PKP4: variants seen among roughly 807,000 people sequenced by gnomAD.
PKP4 encodes plakophilin-4.
In PKP4, 90 loss-of-function variants were observed where a neutral mutation model predicts 145.1. The ratio of observed to expected loss-of-function variants is 0.62; its 90% CI spans 0.52 to 0.74. PKP4 has a LOEUF of 0.74. PKP4 is among the 30% of genes least tolerant of loss of function. PKP4 has a pLI of 0.00. For synonymous variants in PKP4, 563 were observed against 577.2 expected, an observed-to-expected ratio of 0.98 and a Z score of 0.35; for missense variants, 1,340 against 1,482.7, an observed-to-expected ratio of 0.90 and a Z score of 1.58.
chr2:158,507,262 G>C (rs1125662), intron 1 of PKP4, among the ~76,000 whole-genome samples: 133,160 of 152,194 alleles, frequency 0.87, 58,546 homozygotes, highest in Middle Eastern at 0.93. Context: ...AATTGTTTCT[G>C]GGTGTTTTTC....
At position 158,658,181 on chromosome 2, in the gene PKP4, C is replaced by T; in HGVS notation, c.1960C>T (p.Arg654Ter). The change falls in exon 12 of 22, where the codon CGA (arginine) becomes TGA (stop). Residue 654 changes from arginine to a stop codon, truncating the protein, a stop_gained. Coordinates refer to ENST00000389759, the MANE Select transcript of PKP4 (RefSeq NM_003628.6). LOFTEE classifies it high-confidence loss of function. Reference protein sequence around the residue: ...SCDAVKMTIIRDALSTLTNTV... With the variant: ...SCDAVKMTII ...TGATGCTGTAAAAATGACAATCATT[C>T]GAGATGCTCTCTCAACCTTAACAAA... 4 of 1,605,908 alleles carry T rather than the reference C, an allele frequency of 2.5e-6. No homozygotes were observed. The highest frequency in any genetic ancestry group is 3.4e-6 in the Non-Finnish European group (4 of 1,173,452).
chr2:158,519,985 G>GA lies in PKP4; in HGVS notation c.-5-13185dup, dbSNP rs887385967. Among the ~76,000 whole-genome samples the GA allele has an allele frequency of 2.8e-3, 411 of 147,562 alleles. 2 individuals are homozygous for GA. The highest frequency in any genetic ancestry group is 4.6e-3 in the Non-Finnish European group (305 of 66,772). ...ATAAAGGATCCTGAATCCTCAGAAAGAAAAAAAAAATGAACCCGTAGTACT... is the reference window on the plus strand; with the variant it reads ...ATAAAGGATCCTGAATCCTCAGAAAGAAAAAAAAAAATGAACCCGTAGTACT... On this transcript the variant is annotated intron_variant, in intron 1 of 21. Coordinates refer to ENST00000389759, the MANE Select transcript of PKP4 (RefSeq NM_003628.6).
chr2:158,624,938 CCTT>C lies in PKP4; in HGVS notation c.668_670del (p.Ser223del), dbSNP rs752951423. On this transcript the variant is annotated inframe_deletion, in exon 7 of 22. Transcript: ENST00000389759. The stretch of plus-strand genomic sequence containing the variant: ...TTCAGTTCCATCTAGAGCACAGTCT[CCTT>C]CTTATGTTATCAGCACAGGCGTGTC... The C allele has an allele frequency of 6.8e-6, 11 of 1,613,836 alleles. No homozygotes were observed. Among genetic ancestry groups the C allele is most frequent in the African/African-American group, 4.0e-5 (3 of 74,910 alleles).
chr2:158,646,421 A>G (rs1431585214), intron 11 of PKP4, among the ~76,000 whole-genome samples: 1 of 152,214 alleles, frequency 6.6e-6, no homozygotes, highest in Non-Finnish European at 1.5e-5. Flanking sequence ...GCTGTGTTTG[A>G]TTTATACCTA....
At chr2:158,514,285 G>A (rs756199236) in intron 1 of PKP4, among the ~76,000 whole-genome samples, 15 of 152,296 alleles carry the variant, frequency 9.8e-5, no homozygotes, top group Admixed American at 1.3e-4. Context: ...AACCAAGAGC[G>A]TATGGTTAGA....
chr2:158,590,142 T>C (rs2049130224), intron 3 of PKP4, among the ~76,000 whole-genome samples: 1 of 152,106 alleles, frequency 6.6e-6, no homozygotes, highest in Non-Finnish European at 1.5e-5. Flanking sequence ...GTTGTGTTAC[T>C]CCACAATTAA....
chr2:158,635,131 A>G (rs1378750558), intron 9 of PKP4, among the ~76,000 whole-genome samples: 1 of 152,214 alleles, frequency 6.6e-6, no homozygotes, highest in Non-Finnish European at 1.5e-5. Context: ...GAAAATTGTT[A>G]TAATTATCAA....
intron 2 of PKP4, among the ~76,000 whole-genome samples, chr2:158,538,519 C>T (rs2044249844): frequency 6.8e-6 from 1 of 147,588 alleles, no homozygotes; most frequent in South Asian, 2.1e-4. Flanking sequence ...TCATACTTTT[C>T]AGGCTCTCTA....
intron 1 of PKP4, among the ~76,000 whole-genome samples, chr2:158,509,649 A>C (rs1243645217): frequency 6.6e-6 from 1 of 152,200 alleles, no homozygotes; most frequent in Non-Finnish European, 1.5e-5. Context: ...AGGTGATGAT[A>C]TAGAAATACT....
intron 11 of PKP4, among the ~76,000 whole-genome samples, chr2:158,656,671 G>T (rs1348052572): frequency 6.6e-6 from 1 of 152,172 alleles, no homozygotes; most frequent in Admixed American, 6.5e-5. Flanking sequence ...ACAAGAGGAG[G>T]CCAGAGCACA....
intron 3 of PKP4, among the ~76,000 whole-genome samples, chr2:158,601,055 C>T (rs192268502): frequency 6.6e-6 from 1 of 152,234 alleles, no homozygotes; most frequent in East Asian, 1.9e-4. Context: ...TATAATCTGA[C>T]CTTTCAAAAC....
Position 158,625,378 on chromosome 2 carries a change from G to A in PKP4, c.1104G>A (p.Gln368=). The A allele has an allele frequency of 1.2e-6, 2 of 1,614,174 alleles. No individual in the cohort carries two copies. Among genetic ancestry groups the A allele is most frequent in the South Asian group, 1.1e-5 (1 of 91,090 alleles). Residue 368 remains glutamine, a synonymous_variant, in exon 7 of 22, where the codon CAG becomes CAA. Transcript: ENST00000389759. ...ACATGGAGCAATTCGGACAGCAGCAGTATGACATTTATGAGAGGATGGTTC... is the reference window on the plus strand; with the variant it reads ...ACATGGAGCAATTCGGACAGCAGCAATATGACATTTATGAGAGGATGGTTC... ...VHDMEQFGQQ[Q]YDIYERMVPP... is the part of the protein sequence containing the mutation.
chr2:158,512,279 C>T (rs1435484736), intron 1 of PKP4, among the ~76,000 whole-genome samples: 1 of 152,210 alleles, frequency 6.6e-6, no homozygotes, highest in African/African-American at 2.4e-5. Context: ...AAAACAAAAT[C>T]TGTAAACAGA....
At chr2:158,613,803 A>T (rs906339605) in intron 4 of PKP4, among the ~76,000 whole-genome samples, 1 of 152,188 alleles carries the variant, frequency 6.6e-6, no homozygotes, top group Non-Finnish European at 1.5e-5. Flanking sequence ...CTTGACCTGA[A>T]AGCTTTTAGC....
At chr2:158,650,471 A>C (rs1394594260) in intron 11 of PKP4, among the ~76,000 whole-genome samples, 1 of 152,224 alleles carries the variant, frequency 6.6e-6, no homozygotes, top group Non-Finnish European at 1.5e-5. Context: ...ATCCACCTTT[A>C]TGCCTGCAAA....
chr2:158,530,084 T>G (rs879260758), intron 1 of PKP4, among the ~76,000 whole-genome samples: 2 of 152,210 alleles, frequency 1.3e-5, no homozygotes, highest in Non-Finnish European at 2.9e-5. Context: ...GGAGGACTTC[T>G]AATATCATAC....
chr2:158,637,820 C>T (rs960171435), intron 9 of PKP4, among the ~76,000 whole-genome samples: 4 of 152,232 alleles, frequency 2.6e-5, no homozygotes, highest in African/African-American at 7.2e-5. Flanking sequence ...TTAGGTTATA[C>T]TGAAGCAAAT....
At chr2:158,522,732 A>T (rs6734020) in intron 1 of PKP4, among the ~76,000 whole-genome samples, 96,707 of 147,856 alleles carry the variant, frequency 0.65, 31,261 homozygotes, top group South Asian at 0.81. Flanking sequence ...GGTTCATCTC[A>T]CTAGGGAGTG....
chr2:158,619,982 A>G (rs2052044990), intron 4 of PKP4, among the ~76,000 whole-genome samples: 1 of 152,086 alleles, frequency 6.6e-6, no homozygotes, highest in Admixed American at 6.5e-5. Flanking sequence ...ATAACTGCAT[A>G]GGGCCTGGCA....
Sources: allele counts gnomAD v4.1 joint callset (sites outside exome capture counted in the v4.1 genomes callset), GRCh38; gene constraint gnomAD v4.1.1; transcripts MANE v1.5; gene names NCBI Gene and HGNC (gene_info 2026-07-23, HGNC 2026-07-21).